KPNA7: variants seen among roughly 807,000 people sequenced by gnomAD.
The protein encoded by KPNA7 is karyopherin subunit alpha 7, also known as importin subunit alpha-8.
KPNA7 carries 54 observed loss-of-function variants against 53.7 expected under a neutral mutation model. That is an observed-to-expected ratio of 1.01 (90% CI 0.81 to 1.26). The LOEUF (loss-of-function observed/expected upper bound fraction) is 1.26, where lower values mean the gene tolerates loss of function less well. Among genes scored for constraint, KPNA7 ranks in the 50% most tolerant of loss-of-function variants. KPNA7 has a pLI of 0.00. For missense variants in KPNA7, 640 were observed against 644.5 expected (o/e 0.99, Z 0.07); for synonymous variants, 276 against 259.3 (o/e 1.06, Z -0.62).
At chr7:99,146,327 T>C in the KPNA7 span, among the ~76,000 whole-genome samples, 1 of 152,204 alleles carries the variant, frequency 6.6e-6, no homozygotes, top group Non-Finnish European at 1.5e-5. Context: ...CTGAAAGGCA[T>C]TTTGTTCATT....
Position 99,188,323 on chromosome 7 carries a change from T to C in KPNA7, c.877A>G (p.Thr293Ala). 6.4e-7 allele frequency: 1 copy of C among 1,551,378 alleles called. No homozygotes were observed. The highest frequency in any genetic ancestry group is 8.7e-7 in the Non-Finnish European group (1 of 1,146,932). The change falls in exon 7 of 11, where the codon ACC becomes GCC. Residue 293 changes from threonine to alanine, a missense_variant. Coordinates refer to ENST00000327442, the MANE Select transcript of KPNA7 (RefSeq NM_001145715.3). ...ACCAAGACATTGAGTTCTGAGCTGG[T>C]CATGAGCACTACCAGCCTGGGCAGG... ...GVLPRLVVLM[T>A]SSELNVLTPS...
At chr7:99,196,621 T>C (rs1044200367) in intron 3 of KPNA7, among the ~76,000 whole-genome samples, 4 of 152,168 alleles carry the variant, frequency 2.6e-5, no homozygotes, top group African/African-American at 7.2e-5. Context: ...TCTCAGTAAG[T>C]AGCATGAGAG....
At chr7:99,162,178 G>A in the KPNA7 span, among the ~76,000 whole-genome samples, 2 of 151,312 alleles carry the variant, frequency 1.3e-5, no homozygotes, top group Non-Finnish European at 2.9e-5. Context: ...CCGAGTAACT[G>A]GGATTACAGG....
chr7:99,200,563 C>CAGTT (rs1219789640), intron 3 of KPNA7, among the ~76,000 whole-genome samples: 28 of 152,302 alleles, frequency 1.8e-4, no homozygotes, highest in African/African-American at 6.5e-4. Flanking sequence ...TAGTTCATAA[C>CAGTT]CCAGTTATTC....
intron 1 of KPNA7, among the ~76,000 whole-genome samples, chr7:99,214,248 T>C (rs1791148175): frequency 2.1e-5 from 3 of 146,286 alleles, no homozygotes; most frequent in African/African-American, 7.6e-5. Flanking sequence ...TTGGCCAATG[T>C]GGCAAAACCC....
At chr7:99,214,728 GGGGAGGGGAGGGGAGGT>G (rs1791169538) in intron 1 of KPNA7, among the ~76,000 whole-genome samples, 1 of 2,446 alleles carries the variant, frequency 4.1e-4, no homozygotes, top group African/African-American at 5.7e-4. Flanking sequence ...AGGGGAGGTA[GGGGAGGGGAGGGGAGGT>G]AGGGGAGGGG....
the KPNA7 span, among the ~76,000 whole-genome samples, chr7:99,152,991 A>G: frequency 6.6e-6 from 1 of 152,222 alleles, no homozygotes; most frequent in African/African-American, 2.4e-5. Flanking sequence ...TTTAAATGTT[A>G]ATTGTGACAA....
chr7:99,178,072 A>G lies in KPNA7; in HGVS notation c.1318-6T>C. ...TCAGACCGTTTCTCTGCCGCCTGTG[A>G]CCAAGTACAAGGGGACATGAGACCC... On this transcript the variant is annotated splice_polypyrimidine_tract_variant and splice_region_variant and intron_variant, in intron 9 of 10. Transcript: ENST00000327442. 1 of 1,551,180 alleles carries G rather than the reference A, an allele frequency of 6.4e-7. No individual in the cohort carries two copies. Among genetic ancestry groups the G allele is most frequent in the East Asian group, 2.4e-5 (1 of 40,904 alleles).
chr7:99,185,141 C>A lies in KPNA7; in HGVS notation c.922G>T (p.Gly308Trp), dbSNP rs1201160538. 1.3e-6 allele frequency: 2 copies of A among 1,552,026 alleles called. No individual in the cohort carries two copies. The highest frequency in any genetic ancestry group is 2.4e-5 in the South Asian group (2 of 84,040). Residue 308 changes from glycine (G) to tryptophan (W), a missense_variant, in exon 8 of 11, where the codon GGG becomes TGG. By Grantham distance (184) the Gly-to-Trp change is radical. Coordinates refer to ENST00000327442, the MANE Select transcript of KPNA7 (RefSeq NM_001145715.3). ...NVLTPSLRTV[G>W]NIVTGTDEQT... ...TCATCTGTGCCCGTGACAATGTTCCCCACGGTGCGGAGAGAAGGAGTCTGG... is the reference window on the plus strand; with the variant it reads ...TCATCTGTGCCCGTGACAATGTTCCACACGGTGCGGAGAGAAGGAGTCTGG...
the KPNA7 span, among the ~76,000 whole-genome samples, chr7:99,152,627 T>C: frequency 6.6e-6 from 1 of 152,206 alleles, no homozygotes; most frequent in Non-Finnish European, 1.5e-5. Context: ...TTAAATATAC[T>C]TGGGACGTAT....
At chr7:99,170,132 C>A (rs938059823), downstream of KPNA7, among the ~76,000 whole-genome samples, 11 of 152,140 alleles carry the variant, frequency 7.2e-5, no homozygotes, top group African/African-American at 2.4e-4. Context: ...CAATGACAGG[C>A]CCCGCTCACA....
At chr7:99,205,866 C>T (rs1156531770) in intron 2 of KPNA7, among the ~76,000 whole-genome samples, 1 of 152,060 alleles carries the variant, frequency 6.6e-6, no homozygotes, top group African/African-American at 2.4e-5. Flanking sequence ...TAAAAAGATA[C>T]AGAGATGGAG....
At chr7:99,160,927 CATG>C in the KPNA7 span, among the ~76,000 whole-genome samples, 1,782 of 152,060 alleles carry the variant, frequency 0.012, 34 homozygotes, top group African/African-American at 0.041. Flanking sequence ...AGTGCAGTCA[CATG>C]ATGTCAGCTC....
downstream of KPNA7, among the ~76,000 whole-genome samples, chr7:99,171,957 T>C (rs1584252594): frequency 6.6e-6 from 1 of 152,282 alleles, no homozygotes; most frequent in East Asian, 1.9e-4. Flanking sequence ...AGCATGTTGG[T>C]AGATTACTGA....
At chr7:99,151,094 G>A in the KPNA7 span, among the ~76,000 whole-genome samples, 1 of 152,170 alleles carries the variant, frequency 6.6e-6, no homozygotes, top group Admixed American at 6.6e-5. Flanking sequence ...GGGATGCTAG[G>A]TAATTATTAG....
intron 1 of KPNA7, among the ~76,000 whole-genome samples, chr7:99,218,053 A>T (rs1270587738): frequency 6.7e-6 from 1 of 150,340 alleles, no homozygotes; most frequent in African/African-American, 2.5e-5. Flanking sequence ...GGCCATGCCC[A>T]GGTTGAAGTG....
chr7:99,177,572 CAAAAAAAA>C (rs34717081), intron 10 of KPNA7, among the ~76,000 whole-genome samples: 2 of 41,780 alleles, frequency 4.8e-5, no homozygotes, highest in Non-Finnish European at 1.0e-4. Flanking sequence ...GAAACCATCT[CAAAAAAAA>C]AAAAAAAAAA....
chr7:99,163,965 G>A, the KPNA7 span, among the ~76,000 whole-genome samples: 1 of 151,850 alleles, frequency 6.6e-6, no homozygotes, highest in African/African-American at 2.4e-5. Context: ...TTAGAATGGT[G>A]ATCATTAAAA....
intron 3 of KPNA7, among the ~76,000 whole-genome samples, chr7:99,199,922 AT>A (rs141444544): frequency 0.025 from 3,781 of 149,952 alleles, 163 homozygotes; most frequent in African/African-American, 0.086. Context: ...AAGGGCTGGA[AT>A]TTTTTTTTTG....
Sources: allele counts gnomAD v4.1 joint callset (sites outside exome capture counted in the v4.1 genomes callset), GRCh38; gene constraint gnomAD v4.1.1; transcripts MANE v1.5; gene names NCBI Gene and HGNC (gene_info 2026-07-23, HGNC 2026-07-21).